The following DYNC1I1 variants were observed in gnomAD, a reference collection of about 807,000 sequenced individuals.
DYNC1I1 encodes the protein dynein cytoplasmic 1 intermediate chain 1, also known as cytoplasmic dynein 1 intermediate chain 1.
DYNC1I1 carries 43 observed loss-of-function variants against 86.6 expected under a neutral mutation model. That is an observed-to-expected ratio of 0.50 (90% CI 0.39 to 0.64). The LOEUF is 0.64. Among genes scored for constraint, DYNC1I1 ranks in the 30% least tolerant of loss-of-function variants. DYNC1I1 has a pLI of 0.00. For missense variants in DYNC1I1, 604 were observed against 788.8 expected (o/e 0.77, Z 2.81); for synonymous variants, 262 against 283.7 (o/e 0.92, Z 0.77).
At chr7:96,005,903 T>C (rs921939888) in intron 10 of DYNC1I1, among the ~76,000 whole-genome samples, 3 of 152,142 alleles carry the variant, frequency 2.0e-5, no homozygotes, top group African/African-American at 7.2e-5. Context: ...AAGTAACACA[T>C]TTTGAGCATT....
chr7:95,893,338 T>G (rs991704766), intron 6 of DYNC1I1, among the ~76,000 whole-genome samples: 1 of 152,206 alleles, frequency 6.6e-6, no homozygotes, highest in Non-Finnish European at 1.5e-5. Flanking sequence ...GTTTCTTCAT[T>G]TTTTCCCTGG....
At chr7:95,892,737 G>A (rs1004542533) in intron 6 of DYNC1I1, among the ~76,000 whole-genome samples, 5 of 152,148 alleles carry the variant, frequency 3.3e-5, no homozygotes, top group African/African-American at 4.8e-5. Flanking sequence ...GTGAGCCACC[G>A]CACCTGGCCC....
intron 5 of DYNC1I1, among the ~76,000 whole-genome samples, chr7:95,851,432 TG>T (rs1214239832): frequency 2.0e-5 from 3 of 152,170 alleles, no homozygotes; most frequent in South Asian, 2.1e-4. Context: ...TCTGGAATTT[TG>T]TGTTTAATAT....
intron 6 of DYNC1I1, among the ~76,000 whole-genome samples, chr7:95,966,532 C>T (rs185149330): frequency 6.2e-4 from 94 of 152,244 alleles, no homozygotes; most frequent in Admixed American, 2.9e-3. Context: ...TCATACTGTT[C>T]GGTACTGTTT....
downstream of DYNC1I1, chr7:96,110,121 A>C: frequency 2.3e-6 from 1 of 433,772 alleles, no homozygotes. Flanking sequence ...CTGAGAGATG[A>C]GTACCAAAAT....
At chr7:95,835,346 A>C (rs908016700) in intron 5 of DYNC1I1, among the ~76,000 whole-genome samples, 4 of 137,080 alleles carry the variant, frequency 2.9e-5, no homozygotes, top group African/African-American at 5.7e-5. Flanking sequence ...ATAGTTTGTT[A>C]TAATTTCTGT....
At chr7:95,795,494 C>T (rs1454114502) in intron 1 of DYNC1I1, among the ~76,000 whole-genome samples, 2 of 152,106 alleles carry the variant, frequency 1.3e-5, no homozygotes, top group African/African-American at 4.8e-5. Flanking sequence ...CCTAAATGCC[C>T]ATTAATGGTA....
chr7:95,805,723 A>G (rs1352638094), intron 2 of DYNC1I1, among the ~76,000 whole-genome samples: 1 of 152,164 alleles, frequency 6.6e-6, no homozygotes, highest in Non-Finnish European at 1.5e-5. Flanking sequence ...ACCAGATACC[A>G]AAGATATTTT....
intron 4 of DYNC1I1, 100 bp from the exon 5 acceptor site, chr7:95,827,957 A>G (rs1795238802): frequency 2.5e-6 from 3 of 1,190,038 alleles, no homozygotes; most frequent in Non-Finnish European, 2.5e-6. Context: ...TATGTATTGT[A>G]TATGCTCTTG....
intron 6 of DYNC1I1, among the ~76,000 whole-genome samples, chr7:95,895,655 C>A (rs1193034839): frequency 6.6e-6 from 1 of 152,088 alleles, no homozygotes; most frequent in African/African-American, 2.4e-5. Flanking sequence ...TTCGAATTTG[C>A]TTTTTGTCTA....
intron 5 of DYNC1I1, among the ~76,000 whole-genome samples, chr7:95,836,946 C>G (rs1275453252): frequency 1.3e-5 from 2 of 152,104 alleles, no homozygotes; most frequent in African/African-American, 2.4e-5. Context: ...ATTTGATCGT[C>G]TGAAGCCTTC....
intron 13 of DYNC1I1, among the ~76,000 whole-genome samples, chr7:96,036,587 C>A (rs1054442021): frequency 6.6e-6 from 1 of 152,144 alleles, no homozygotes; most frequent in African/African-American, 2.4e-5. Flanking sequence ...ATTTCCATTT[C>A]ATCTTTGATT....
chr7:95,842,471 G>A (rs527471118), intron 5 of DYNC1I1, among the ~76,000 whole-genome samples: 1 of 152,108 alleles, frequency 6.6e-6, no homozygotes. Context: ...TCAATCAGAC[G>A]AATTCTTGGG....
intron 1 of DYNC1I1, among the ~76,000 whole-genome samples, chr7:95,777,939 A>G (rs993554315): frequency 1.3e-5 from 2 of 152,164 alleles, no homozygotes; most frequent in Non-Finnish European, 2.9e-5. Flanking sequence ...GCTTTTCATC[A>G]TAAATTTATA....
At chr7:95,946,399 T>C (rs1792402047) in intron 6 of DYNC1I1, among the ~76,000 whole-genome samples, 1 of 152,200 alleles carries the variant, frequency 6.6e-6, no homozygotes, top group Non-Finnish European at 1.5e-5. Flanking sequence ...TTAGCGTGTT[T>C]GGAAAAGCAC....
At chr7:95,808,092 A>G (rs1431500661) in intron 2 of DYNC1I1, among the ~76,000 whole-genome samples, 1 of 152,098 alleles carries the variant, frequency 6.6e-6, no homozygotes, top group African/African-American at 2.4e-5. Flanking sequence ...CTATTCTGCA[A>G]ATTTCTTTGG....
chr7:95,927,253 C>T (rs1481484854), intron 6 of DYNC1I1, among the ~76,000 whole-genome samples: 1 of 152,070 alleles, frequency 6.6e-6, no homozygotes, highest in Non-Finnish European at 1.5e-5. Context: ...TATATACGCA[C>T]CTGGAAAGTC....
intron 6 of DYNC1I1, among the ~76,000 whole-genome samples, chr7:95,911,666 G>T (rs1206455543): frequency 6.6e-6 from 1 of 152,106 alleles, no homozygotes; most frequent in Non-Finnish European, 1.5e-5. Flanking sequence ...AATCACCTGG[G>T]GGGCTTGTTC....
At chr7:96,091,161 T>A (rs1161785915) in intron 16 of DYNC1I1, among the ~76,000 whole-genome samples, 1 of 152,220 alleles carries the variant, frequency 6.6e-6, no homozygotes, top group African/African-American at 2.4e-5. Flanking sequence ...TTGTCCTTTT[T>A]AAAAGGCTTT....
Sources: gnomAD v4.1 joint callset for allele counts (sites outside exome capture counted in the v4.1 genomes callset) on GRCh38, gnomAD v4.1.1 for gene constraint, MANE v1.5 for transcripts, NCBI Gene and HGNC (gene_info 2026-07-23, HGNC 2026-07-21) for gene names.